The following ZNF513 variants were observed in gnomAD, a reference collection of about 807,000 sequenced individuals.
The protein encoded by ZNF513 is zinc finger protein 513.
In ZNF513, 16 loss-of-function variants were observed where a neutral mutation model predicts 39.7. The observed-to-expected ratio is 0.40, with a 90% CI of 0.27 to 0.61. The LOEUF (loss-of-function observed/expected upper bound fraction) is 0.61, where lower values mean the gene tolerates loss of function less well. Ranked by LOEUF, ZNF513 falls within the 20% of genes least tolerant of loss-of-function variation. ZNF513 has a pLI of 0.39. For synonymous variants in ZNF513, 348 were observed against 296.5 expected, an observed-to-expected ratio of 1.17 and a Z score of -1.79; for missense variants, 699 against 743.6, an observed-to-expected ratio of 0.94 and a Z score of 0.70.
Position 27,377,469 on chromosome 2 carries a change from G to T in ZNF513, c.*76C>A. The T allele has an allele frequency of 6.7e-7, 1 of 1,503,728 alleles. No homozygotes were observed. The allele number at this position is 1,503,728 out of a possible 1,614,324, so 93.1% of individuals were successfully genotyped here. ...TTATAGTGCCTACGTTAGTCTGTGT[G>T]GAGCCCCTGGCCAGCGGGGGAGAAA... On this transcript the variant is annotated 3_prime_UTR_variant, in exon 4 of 4. Transcript: ENST00000323703. This position sits in a 1 kb window ranked among gnomAD's most constrained non-coding sequence, Gnocchi z 4.4.
rs1326749903 is a variant in ZNF513, at chr2:27,380,531, A to G, written c.-5T>C. On this transcript the variant is annotated 5_prime_UTR_variant, in exon 1 of 4. Coordinates refer to ENST00000323703, the MANE Select transcript of ZNF513 (RefSeq NM_144631.6). ...GCTTTGCTTCCTTCGGGGCATCGTG[A>G]CCGGCTCCAGCCCGACGCGCCTCCG... is the stretch of plus-strand genomic sequence containing the variant. 10 of 1,567,860 alleles carry G rather than the reference A, an allele frequency of 6.4e-6. No individual in the cohort carries two copies. Among genetic ancestry groups the G allele is most frequent in the Non-Finnish European group, 8.7e-6 (10 of 1,148,568 alleles).
chr2:27,378,977 C>T lies in ZNF513; in HGVS notation c.289G>A (p.Ala97Thr). ...DESGGGRALS[A>T]ESEVEEPARG... Reference sequence around the variant, plus strand: ...GCTGGCTCCTCAACTTCACTCTCCGCACTTAGTGCCCGGCCGCCCCCAGAC... The same window carrying T: ...GCTGGCTCCTCAACTTCACTCTCCGTACTTAGTGCCCGGCCGCCCCCAGAC... The change falls in exon 3 of 4, where the codon GCG becomes ACG. Residue 97 changes from alanine (A) to threonine (T), a missense_variant. Around this residue, in one of 3 missense-constraint regions of ZNF513, gnomAD observed 530 missense variants for 499.3 expected, o/e 1.06. Transcript: ENST00000323703. The surrounding 1 kb of genome is among the most constrained non-coding windows in gnomAD (Gnocchi z 8.0). 1.2e-6 allele frequency: 2 copies of T among 1,613,082 alleles called. No individual in the cohort carries two copies. Among genetic ancestry groups the T allele is most frequent in the South Asian group, 1.1e-5 (1 of 91,072 alleles).
Position 27,378,506 on chromosome 2 carries a change from G to T in ZNF513, c.760C>A (p.Pro254Thr), listed in dbSNP as rs201094656. 23 of 1,614,126 alleles carry T rather than the reference G, an allele frequency of 1.4e-5. No individual in the cohort carries two copies. The highest frequency in any genetic ancestry group is 4.0e-5 in the African/African-American group (3 of 75,060). Residue 254 changes from proline to threonine, a missense_variant, in exon 3 of 4, where the codon CCC becomes ACC. Around this residue, in one of 3 missense-constraint regions of ZNF513, gnomAD observed 530 missense variants for 499.3 expected, o/e 1.06. Coordinates refer to ENST00000323703, the MANE Select transcript of ZNF513 (RefSeq NM_144631.6). The surrounding 1 kb of genome is among the most constrained non-coding windows in gnomAD (Gnocchi z 8.0). ...GGCACCGCCCCCTCCTGCTCTGTGGGACTGGGAGGCCGGGCTGGTCGTGGA... is the reference window on the plus strand; with the variant it reads ...GGCACCGCCCCCTCCTGCTCTGTGGTACTGGGAGGCCGGGCTGGTCGTGGA... ...CTPRPARPPS[P>T]TEQEGAVPRR...
rs1295447863 is a variant in ZNF513 at position 27,379,000 on chromosome 2, G to T, written c.266C>A (p.Ser89Tyr). Residue 89 changes from serine (S) to tyrosine (Y), a missense_variant, in exon 3 of 4, where the codon TCT becomes TAT. Transcript: ENST00000323703. This position sits in a 1 kb window ranked among gnomAD's most constrained non-coding sequence, Gnocchi z 8.0. Reference sequence around the variant, plus strand: ...CGCACTTAGTGCCCGGCCGCCCCCAGACTCATCGTCGCTCAGCCCATAGGG... The same window carrying T: ...CGCACTTAGTGCCCGGCCGCCCCCATACTCATCGTCGCTCAGCCCATAGGG... Reference protein sequence around the residue: ...GLPYGLSDDESGGGRALSAES... With the variant: ...GLPYGLSDDEYGGGRALSAES... The T allele has an allele frequency of 6.2e-7, 1 of 1,613,052 alleles. No homozygotes were observed. The highest frequency in any genetic ancestry group is 1.3e-5 in the African/African-American group (1 of 74,904).
Position 27,377,661 on chromosome 2 carries a change from G to C in ZNF513, c.1510C>G (p.Leu504Val), listed in dbSNP as rs780786889. Residue 504 changes from leucine to valine, a missense_variant, in exon 4 of 4, where the codon CTC (leucine) becomes GTC (valine). Leu to Val is a conservative substitution (Grantham distance 32). This residue lies in a region of ZNF513 where 71 missense variants were observed against 64.1 expected (regional missense o/e 1.11). Coordinates refer to ENST00000323703, the MANE Select transcript of ZNF513 (RefSeq NM_144631.6). This position sits in a 1 kb window ranked among gnomAD's most constrained non-coding sequence, Gnocchi z 4.4. ...HGHGGAGGPG[L>V]SASEGWAPPH... ...GGGGCCCAGCCCTCAGAGGCAGAGAGACCAGGCCCTCCTGCCCCACCGTGG... is the reference window on the plus strand; with the variant it reads ...GGGGCCCAGCCCTCAGAGGCAGAGACACCAGGCCCTCCTGCCCCACCGTGG... The C allele has an allele frequency of 1.2e-6, 2 of 1,614,184 alleles. No homozygotes were observed. Among genetic ancestry groups the C allele is most frequent in the Non-Finnish European group, 1.7e-6 (2 of 1,180,040 alleles).
chr2:27,378,797 A>G lies in ZNF513; in HGVS notation c.469T>C (p.Phe157Leu). ...RLLYSCRLCT[F>L]VSHYSSHLKR... is the part of the protein sequence containing the mutation. ...AGGTGGCTCGAGTAGTGGGACACGA[A>G]GGTGCAGAGGCGGCATGAGTACAGT... is the stretch of plus-strand genomic sequence containing the variant. Residue 157 changes from phenylalanine to leucine, a missense_variant, in exon 3 of 4, where the codon TTC (phenylalanine) becomes CTC (leucine). By Grantham distance (22) the Phe-to-Leu change is conservative. Transcript: ENST00000323703. This position sits in a 1 kb window ranked among gnomAD's most constrained non-coding sequence, Gnocchi z 8.0. 6.2e-7 allele frequency: 1 copy of G among 1,613,844 alleles called. No individual in the cohort carries two copies. The highest frequency in any genetic ancestry group is 8.5e-7 in the Non-Finnish European group (1 of 1,179,878).
In ZNF513 at chr2:27,380,538, C is replaced by T; in HGVS notation, c.-12G>A. On this transcript the variant is annotated 5_prime_UTR_variant, in exon 1 of 4. Transcript: ENST00000323703. ...TTCCTTCGGGGCATCGTGACCGGCT[C>T]CAGCCCGACGCGCCTCCGGCCTGCG... The T allele has an allele frequency of 1.3e-6, 2 of 1,564,876 alleles. No homozygotes were observed. The highest frequency in any genetic ancestry group is 4.7e-5 in the East Asian group (2 of 42,912).
rs972240358 is a variant in ZNF513 at position 27,378,267 on chromosome 2, T to G, written c.904A>C (p.Thr302Pro). ...AGCTCTGGCAGTGGTTCTGATCCAG[T>G]CCCGCAGAGGCCCTCCCCTTCACCC... is the stretch of plus-strand genomic sequence containing the variant. ...LRGEGEGLCGTGSEPLPELLF... is the reference protein window; with the variant it reads ...LRGEGEGLCGPGSEPLPELLF... The change falls in exon 4 of 4, where the codon ACT (threonine) becomes CCT (proline). Residue 302 changes from threonine to proline, a missense_variant. Physicochemically the swap from Thr to Pro is conservative, Grantham distance 38. Around this residue, in one of 3 missense-constraint regions of ZNF513, gnomAD observed 530 missense variants for 499.3 expected, o/e 1.06. Coordinates refer to ENST00000323703, the MANE Select transcript of ZNF513 (RefSeq NM_144631.6). This position sits in a 1 kb window ranked among gnomAD's most constrained non-coding sequence, Gnocchi z 8.0. 1 of 1,601,374 alleles carries G rather than the reference T, an allele frequency of 6.2e-7. No individual in the cohort carries two copies. The highest frequency in any genetic ancestry group is 8.5e-7 in the Non-Finnish European group (1 of 1,179,942).
In ZNF513 at chr2:27,378,115, G is replaced by A; in HGVS notation, c.1056C>T (p.Pro352=). ...CAAAGCCTTTGTCACTGGGGCCCTGGGGCCCCCCACTGGCACCCCCTCCAG... is the reference window on the plus strand; with the variant it reads ...CAAAGCCTTTGTCACTGGGGCCCTGAGGCCCCCCACTGGCACCCCCTCCAG... The part of the protein sequence containing the change: ...GEAGGGASGG[P]QGPSDKGFAC... Residue 352 remains proline, a synonymous_variant, in exon 4 of 4, where the codon CCC becomes CCT. Coordinates refer to ENST00000323703, the MANE Select transcript of ZNF513 (RefSeq NM_144631.6). This position sits in a 1 kb window ranked among gnomAD's most constrained non-coding sequence, Gnocchi z 8.0. 1.2e-6 allele frequency: 2 copies of A among 1,613,680 alleles called. No individual in the cohort carries two copies. Among genetic ancestry groups the A allele is most frequent in the Non-Finnish European group, 1.7e-6 (2 of 1,179,784 alleles).
In ZNF513 at chr2:27,378,535, C is replaced by T. The variant is rs889547694; in HGVS notation, c.731G>A (p.Cys244Tyr). ...GGGAGGCCGGGCTGGTCGTGGAGTA[C>T]AGCAGCGGAAGCCACAGGTCGGGCA... ...PPCPTCGFRC[C>Y]TPRPARPPSP... The change falls in exon 3 of 4, where the codon TGT becomes TAT. Residue 244 changes from cysteine to tyrosine, a missense_variant. By Grantham distance (194) the Cys-to-Tyr change is radical. Coordinates refer to ENST00000323703, the MANE Select transcript of ZNF513 (RefSeq NM_144631.6). This position sits in a 1 kb window ranked among gnomAD's most constrained non-coding sequence, Gnocchi z 8.0. 6.2e-7 allele frequency: 1 copy of T among 1,614,010 alleles called. No individual in the cohort carries two copies. Among genetic ancestry groups the T allele is most frequent in the Non-Finnish European group, 8.5e-7 (1 of 1,180,040 alleles).
intron 2 of ZNF513, 44 bp downstream of exon 2, chr2:27,380,049 G>GCC: frequency 3.1e-6 from 5 of 1,613,474 alleles, no homozygotes; most frequent in Non-Finnish European, 4.2e-6. Flanking sequence ...AAGGGCTGGG[G>GCC]TCTCCAGCGG....
rs1683434134 is a variant in ZNF513, at chr2:27,378,176, C to T, written c.995G>A (p.Gly332Glu). 6 of 1,612,158 alleles carry T rather than the reference C, an allele frequency of 3.7e-6. No homozygotes were observed. Among genetic ancestry groups the T allele is most frequent in the South Asian group, 1.1e-5 (1 of 91,088 alleles). Residue 332 changes from glycine to glutamate, a missense_variant, in exon 4 of 4, where the codon GGA (glycine) becomes GAA (glutamate). Coordinates refer to ENST00000323703, the MANE Select transcript of ZNF513 (RefSeq NM_144631.6). The surrounding 1 kb of genome is among the most constrained non-coding windows in gnomAD (Gnocchi z 8.0). The part of the protein sequence containing the change: ...ELEEGEGSRL[G>E]AAMCGRCMRG... ...CATGCAGCGCCCACACATGGCAGCT[C>T]CCAGCCGACTACCCTCACCCTCCTC... is the stretch of plus-strand genomic sequence containing the variant.
rs1683495192 is a variant in ZNF513 at position 27,379,062 on chromosome 2, A to G, written c.212-8T>C. 3 of 1,611,988 alleles carry G rather than the reference A, an allele frequency of 1.9e-6. No individual in the cohort carries two copies. Among genetic ancestry groups the G allele is most frequent in the Non-Finnish European group, 2.5e-6 (3 of 1,179,442 alleles). ...TGGCCCCCAGAGAGTCTCCTGGTGA[A>G]ATAGACATAAGAAGAGACATCAGCA... is the stretch of plus-strand genomic sequence containing the variant. On this transcript the variant is annotated splice_region_variant and splice_polypyrimidine_tract_variant and intron_variant, in intron 2 of 3. Transcript: ENST00000323703.
intron 1 of ZNF513, 45 bp downstream of exon 1, chr2:27,380,427 G>T (rs926215362): frequency 6.3e-7 from 1 of 1,575,882 alleles, no homozygotes; most frequent in African/African-American, 1.4e-5. Flanking sequence ...CCACTCCACT[G>T]ACCCCACCCC....
intron 2 of ZNF513, among the ~76,000 whole-genome samples, chr2:27,379,488 T>C (rs1160055082): frequency 6.6e-6 from 1 of 152,200 alleles, no homozygotes; most frequent in East Asian, 1.9e-4. Context: ...AGGCAAAATT[T>C]GGAGGGAAGT....
At position 27,377,331 on chromosome 2, in the gene ZNF513, G is replaced by A; in HGVS notation, c.*214C>T. The A allele has an allele frequency of 1.4e-6, 1 of 695,188 alleles. No individual in the cohort carries two copies. Among genetic ancestry groups the A allele is most frequent in the Non-Finnish European group, 2.6e-6 (1 of 382,580 alleles). 43.1% of individuals were successfully genotyped at this position (695,188 alleles called of 1,614,324 possible). Reference sequence around the variant, plus strand: ...CCAGCCGGTTTGTCCACAGCCCCTGGGGGCAGTGGAGGTGAATACAGGGCC... The same window carrying A: ...CCAGCCGGTTTGTCCACAGCCCCTGAGGGCAGTGGAGGTGAATACAGGGCC... On this transcript the variant is annotated 3_prime_UTR_variant, in exon 4 of 4. Coordinates refer to ENST00000323703, the MANE Select transcript of ZNF513 (RefSeq NM_144631.6). The surrounding 1 kb of genome is among the most constrained non-coding windows in gnomAD (Gnocchi z 4.4).
chr2:27,380,410 C>T, intron 1 of ZNF513, 62 bp downstream of exon 1: 8 of 1,576,176 alleles, frequency 5.1e-6, no homozygotes, highest in East Asian at 2.4e-5. Flanking sequence ...TCCACCCTGA[C>T]CTGAGCCCAC....
Position 27,377,624 on chromosome 2 carries a change from G to A in ZNF513, c.1547C>T (p.Pro516Leu). ...ASEGWAPPHS[P>L]PSVLSSRGPP... ...GCCCCGAGAGCTCAAAACAGAGGGT[G>A]GGCTATGAGGTGGGGCCCAGCCCTC... Residue 516 changes from proline (P) to leucine (L), a missense_variant, in exon 4 of 4, where the codon CCA becomes CTA. Physicochemically the swap from Pro to Leu is moderately conservative, Grantham distance 98 (BLOSUM62 -3). Coordinates refer to ENST00000323703, the MANE Select transcript of ZNF513 (RefSeq NM_144631.6). The surrounding 1 kb of genome is among the most constrained non-coding windows in gnomAD (Gnocchi z 4.4). 6.2e-7 allele frequency: 1 copy of A among 1,614,142 alleles called. No homozygotes were observed.
In ZNF513 at chr2:27,378,985, G is replaced by A. The variant is rs780491783; in HGVS notation, c.281C>T (p.Ala94Val). 9 of 1,612,946 alleles carry A rather than the reference G, an allele frequency of 5.6e-6. No individual in the cohort carries two copies. Among genetic ancestry groups the A allele is most frequent in the Non-Finnish European group, 7.6e-6 (9 of 1,179,928 alleles). The change falls in exon 3 of 4, where the codon GCA becomes GTA. Residue 94 changes from alanine (A) to valine (V), a missense_variant. By Grantham distance (64) the Ala-to-Val change is moderately conservative. Transcript: ENST00000323703. This position sits in a 1 kb window ranked among gnomAD's most constrained non-coding sequence, Gnocchi z 8.0. Reference protein sequence around the residue: ...LSDDESGGGRALSAESEVEEP... With the variant: ...LSDDESGGGRVLSAESEVEEP... ...CTCAACTTCACTCTCCGCACTTAGT[G>A]CCCGGCCGCCCCCAGACTCATCGTC...
Sources: gnomAD v4.1 joint callset for allele counts (sites outside exome capture counted in the v4.1 genomes callset) on GRCh38, gnomAD v4.1.1 for gene constraint, gnomAD v4.1.1 regional missense constraint, Gnocchi (gnomAD v3.1) non-coding constraint, MANE v1.5 for transcripts, NCBI Gene and HGNC (gene_info 2026-07-23, HGNC 2026-07-21) for gene names.